The following GSK3A variants were observed in gnomAD, a reference collection of about 807,000 sequenced individuals.
The protein encoded by GSK3A is glycogen synthase kinase-3 alpha.
In GSK3A, 14 loss-of-function variants were observed where a neutral mutation model predicts 56.6. The observed-to-expected ratio is 0.25, with a 90% CI of 0.16 to 0.39. GSK3A has a LOEUF of 0.39. Ranked by LOEUF, GSK3A falls within the 10% of genes least tolerant of loss-of-function variation. The pLI, the probability that GSK3A is intolerant of heterozygous loss-of-function variation, is 1.00. For synonymous variants in GSK3A, 301 were observed against 285.0 expected (o/e 1.06, Z -0.56); for missense variants, 450 against 656.0 (o/e 0.69, Z 3.43).
rs979917354 is a variant in GSK3A at position 42,230,359 on chromosome 19, G to A, written c.*435C>T. ...GGGGAGTTACAGCTGTAGGAGGGGC[G>A]GGGCCAGGTTGGACGGTGCGAATCG... is the stretch of plus-strand genomic sequence containing the variant. On this transcript the variant is annotated 3_prime_UTR_variant, in exon 11 of 11. Transcript: ENST00000222330. The A allele has an allele frequency of 1.1e-5, 2 of 181,314 alleles. No homozygotes were observed. Among genetic ancestry groups the A allele is most frequent in the Non-Finnish European group, 2.4e-5 (2 of 84,532 alleles). The allele number at this position is 181,314 out of a possible 1,614,324, so 11.2% of individuals were successfully genotyped here. A position where few individuals can be genotyped will look rare whatever the true frequency, so the allele number is the denominator to read the frequency against.
Position 42,230,534 on chromosome 19 carries a change from G to A in GSK3A, c.*260C>T, listed in dbSNP as rs1015027519. The A allele has an allele frequency of 2.8e-5, 14 of 492,674 alleles. No individual in the cohort carries two copies. In the African/African-American group the frequency reaches 3.2e-4, roughly 11 times the overall value. 30.5% of individuals were successfully genotyped at this position (492,674 alleles called of 1,614,324 possible). On this transcript the variant is annotated 3_prime_UTR_variant, in exon 11 of 11. Coordinates refer to ENST00000222330, the MANE Select transcript of GSK3A (RefSeq NM_019884.3). Reference sequence around the variant, plus strand: ...GTGGAGGTCTGGGGGAGGGGAGGGGGCCAAGGGGGTAGGAGGTCCTCATCC... The same window carrying A: ...GTGGAGGTCTGGGGGAGGGGAGGGGACCAAGGGGGTAGGAGGTCCTCATCC...
intron 2 of GSK3A, among the ~76,000 whole-genome samples, chr19:42,239,676 T>G (rs1160030530): frequency 6.6e-6 from 1 of 152,164 alleles, no homozygotes; most frequent in Non-Finnish European, 1.5e-5. Flanking sequence ...TAGCTTACAC[T>G]TAGAATGGGT....
At chr19:42,231,773 CAA>C (rs771063456) in intron 10 of GSK3A, among the ~76,000 whole-genome samples, 2 of 84,484 alleles carry the variant, frequency 2.4e-5, no homozygotes, top group African/African-American at 9.0e-5. Flanking sequence ...CTCTATTGCA[CAA>C]AAAAAAAAAA....
rs1270607721 is a variant in GSK3A, at chr19:42,242,427, GC to G, written c.38del (p.Gly13AlafsTer79). 8 of 1,303,474 alleles carry G rather than the reference GC, an allele frequency of 6.1e-6. No homozygotes were observed. The highest frequency in any genetic ancestry group is 2.1e-5 in the South Asian group (1 of 48,032). 80.7% of individuals were successfully genotyped at this position (1,303,474 alleles called of 1,614,324 possible). On this transcript the variant is annotated frameshift_variant, in exon 1 of 11. Coordinates refer to ENST00000222330, the MANE Select transcript of GSK3A (RefSeq NM_019884.3). LOFTEE classifies it high-confidence loss of function. ...ACGAGCTAGTCCGCGCCCTGCCCGA[GC>G]CCCCAGGGCCGCCTCCCGAAGGCCC... is the stretch of plus-strand genomic sequence containing the variant. The part of the protein sequence containing the change: ...GGGPSGGGPG[G>X]SGRARTSSFA...
chr19:42,232,417 C>G lies in GSK3A; in HGVS notation c.1285+79G>C, dbSNP rs2036229908. ...CCCTGCCCTTAGCTCCCCACTCCTG[C>G]TTCAACACCAAGCTCCTCACAATCT... On this transcript the variant is annotated intron_variant, in intron 9 of 10. Transcript: ENST00000222330. The G allele has an allele frequency of 5.9e-6, 8 of 1,364,276 alleles. No individual in the cohort carries two copies. The East Asian group carries it at 1.9e-4, about 33-fold the overall frequency. 84.5% of individuals were successfully genotyped at this position (1,364,276 alleles called of 1,614,324 possible). A position where few individuals can be genotyped will look rare whatever the true frequency, so the allele number is the denominator to read the frequency against.
At position 42,236,732 on chromosome 19, in the gene GSK3A, G is replaced by C; in HGVS notation, c.556-16C>G. On this transcript the variant is annotated splice_polypyrimidine_tract_variant and intron_variant, in intron 3 of 10. Transcript: ENST00000222330. ...GCTCGTCTTTCTGCAGGGAGCAAAG[G>C]AGAGGTGTGAGGCACTGTGAGAAGA... 1 of 1,579,716 alleles carries C rather than the reference G, an allele frequency of 6.3e-7. No homozygotes were observed. The highest frequency in any genetic ancestry group is 1.1e-5 in the South Asian group (1 of 90,356).
rs755914384 is a variant in GSK3A, at chr19:42,242,262, T to A, written c.204A>T (p.Gly68=). The A allele has an allele frequency of 3.5e-6, 5 of 1,432,330 alleles. No homozygotes were observed. The South Asian group carries it at 5.5e-5, about 16-fold the overall frequency. The allele number at this position is 1,432,330 out of a possible 1,614,324, so 88.7% of individuals were successfully genotyped here. Residue 68 remains glycine (G), a synonymous_variant, in exon 1 of 11, where the codon GGA becomes GGT. Transcript: ENST00000222330. ...TGCCTCCTCCGCCGCTGCCGCCGGG[T>A]CCACCCCCGGAGCTCGAGGCCCCGA... The part of the protein sequence containing the change: ...GGVGASSSGG[G]PGGSGGGGSG...
chr19:42,230,858 T>G lies in GSK3A; in HGVS notation c.1388A>C (p.Glu463Ala). ...CTGCCAGTCTGAGCTGGTCGGAGTCTCAGTTAAAGCTGGAGGGAGGCAGGG... is the reference window on the plus strand; with the variant it reads ...CTGCCAGTCTGAGCTGGTCGGAGTCGCAGTTAAAGCTGGAGGGAGGCAGGG... ...TLTPSSQALT[E>A]TPTSSDWQST... Residue 463 changes from glutamate to alanine, a missense_variant, in exon 11 of 11, where the codon GAG becomes GCG. By Grantham distance (107) the Glu-to-Ala change is moderately radical. Around this residue, in one of 3 missense-constraint regions of GSK3A, gnomAD observed 113 missense variants for 147.5 expected, o/e 0.77. Transcript: ENST00000222330. The G allele has an allele frequency of 6.4e-7, 1 of 1,559,948 alleles. No individual in the cohort carries two copies. Among genetic ancestry groups the G allele is most frequent in the South Asian group, 1.2e-5 (1 of 84,518 alleles).
At chr19:42,240,611 G>A (rs774621905) in intron 1 of GSK3A, 2 of 197,576 alleles carry the variant, frequency 1.0e-5, no homozygotes, top group African/African-American at 2.3e-5. Context: ...CAGCCTAGAG[G>A]ATACTGACCT....
intron 4 of GSK3A, 36 bp downstream of exon 4, chr19:42,236,569 GT>G (rs778419559): frequency 7.8e-7 from 1 of 1,275,726 alleles, no homozygotes. Flanking sequence ...CCCTGGCTTT[GT>G]GGGCCTGGGT....
Position 42,230,304 on chromosome 19 carries a change from G to T in GSK3A, c.*490C>A. 1 of 162,364 alleles carries T rather than the reference G, an allele frequency of 6.2e-6. No homozygotes were observed. The highest frequency in any genetic ancestry group is 1.4e-5 in the Non-Finnish European group (1 of 73,720). 10.1% of individuals were successfully genotyped at this position (162,364 alleles called of 1,614,324 possible). On this transcript the variant is annotated 3_prime_UTR_variant, in exon 11 of 11. Coordinates refer to ENST00000222330, the MANE Select transcript of GSK3A (RefSeq NM_019884.3). Reference sequence around the variant, plus strand: ...CTGGCCCTCCAGGGTGGGGTGAGGAGGGAGTAGACCTTGGGGGCAGAGGAC... The same window carrying T: ...CTGGCCCTCCAGGGTGGGGTGAGGATGGAGTAGACCTTGGGGGCAGAGGAC...
rs2036217779 is a variant in GSK3A at position 42,230,728 on chromosome 19, A to G, written c.*66T>C. ...AGCCAGGGCAGGAGCTTGATGGGCT[A>G]TGGCCCCCCTTCCCAGCCCCTCTTG... On this transcript the variant is annotated 3_prime_UTR_variant, in exon 11 of 11. Coordinates refer to ENST00000222330, the MANE Select transcript of GSK3A (RefSeq NM_019884.3). 1 of 1,227,684 alleles carries G rather than the reference A, an allele frequency of 8.1e-7. No homozygotes were observed. Among genetic ancestry groups the G allele is most frequent in the South Asian group, 1.3e-5 (1 of 77,584 alleles). The allele number at this position is 1,227,684 out of a possible 1,614,324, so 76.0% of individuals were successfully genotyped here.
rs1166495684 is a variant in GSK3A at position 42,234,940 on chromosome 19, A to G, written c.667-262T>C. Among the ~76,000 whole-genome samples the G allele has an allele frequency of 6.6e-6, 1 of 152,160 alleles. No individual in the cohort carries two copies. Among genetic ancestry groups the G allele is most frequent in the African/African-American group, 2.4e-5 (1 of 41,438 alleles). The stretch of plus-strand genomic sequence containing the variant: ...TTGGGAGGCCAAGACCAGCCTCGCC[A>G]ACATGTTGAGATCCCGTCTCTACTA... On this transcript the variant is annotated intron_variant, in intron 4 of 10. Coordinates refer to ENST00000222330, the MANE Select transcript of GSK3A (RefSeq NM_019884.3). This position sits in a 1 kb window ranked among gnomAD's most constrained non-coding sequence, Gnocchi z 5.7.
chr19:42,230,519 G>T lies in GSK3A; in HGVS notation c.*275C>A. 1 of 502,408 alleles carries T rather than the reference G, an allele frequency of 2.0e-6. No individual in the cohort carries two copies. The highest frequency in any genetic ancestry group is 2.8e-5 in the South Asian group (1 of 36,172). 31.1% of individuals were successfully genotyped at this position (502,408 alleles called of 1,614,324 possible). ...GGGGGTCTGGAGGAGGTGGAGGTCTGGGGGAGGGGAGGGGGCCAAGGGGGT... is the reference window on the plus strand; with the variant it reads ...GGGGGTCTGGAGGAGGTGGAGGTCTTGGGGAGGGGAGGGGGCCAAGGGGGT... On this transcript the variant is annotated 3_prime_UTR_variant, in exon 11 of 11. Coordinates refer to ENST00000222330, the MANE Select transcript of GSK3A (RefSeq NM_019884.3).
chr19:42,238,760 G>A (rs1026564054), intron 2 of GSK3A, among the ~76,000 whole-genome samples: 3 of 151,430 alleles, frequency 2.0e-5, no homozygotes, highest in African/African-American at 4.9e-5. Context: ...TCAGGAGTTC[G>A]AGACCAGCCT....
rs780886631 is a variant in GSK3A, at chr19:42,233,140, G to A, written c.1068C>T (p.Phe356=). The A allele has an allele frequency of 3.7e-6, 6 of 1,606,048 alleles. No individual in the cohort carries two copies. The highest frequency in any genetic ancestry group is 5.1e-6 in the Non-Finnish European group (6 of 1,175,566). ...TCCAGGGGTGAGCTTTAATCTGAGG[G>A]AACTTGAACTCCGTGTAGTTGGGGT... The part of the protein sequence containing the change: ...EMNPNYTEFK[F]PQIKAHPWTK... Residue 356 remains phenylalanine, a synonymous_variant, in exon 8 of 11, where the codon TTC becomes TTT. Coordinates refer to ENST00000222330, the MANE Select transcript of GSK3A (RefSeq NM_019884.3).
At chr19:42,235,021 G>A (rs894252046) in intron 4 of GSK3A, among the ~76,000 whole-genome samples, 2 of 152,176 alleles carry the variant, frequency 1.3e-5, no homozygotes, top group Admixed American at 6.5e-5. Flanking sequence ...CAGCTACTCG[G>A]GAGGCTGAGG....
At chr19:42,236,780 T>C (rs2036260104) in intron 3 of GSK3A, 64 bp from the exon 4 acceptor site, 3 of 1,430,578 alleles carry the variant, frequency 2.1e-6, no homozygotes, top group African/African-American at 1.4e-5. Context: ...AAGGAAGGTA[T>C]GCAGGGAGCA....
At position 42,242,425 on chromosome 19, in the gene GSK3A, G is replaced by C; in HGVS notation, c.41C>G (p.Ser14Trp). ...GAACGAGCTAGTCCGCGCCCTGCCC[G>C]AGCCCCCAGGGCCGCCTCCCGAAGG... ...GGPSGGGPGG[S>W]GRARTSSFAE... Residue 14 changes from serine to tryptophan, a missense_variant, in exon 1 of 11, where the codon TCG becomes TGG. Physicochemically the swap from Ser to Trp is radical, Grantham distance 177. Transcript: ENST00000222330. The C allele has an allele frequency of 7.4e-7, 1 of 1,343,694 alleles. No individual in the cohort carries two copies. The highest frequency in any genetic ancestry group is 9.6e-7 in the Non-Finnish European group (1 of 1,046,778). The allele number at this position is 1,343,694 out of a possible 1,614,324, so 83.2% of individuals were successfully genotyped here.
Sources: allele counts gnomAD v4.1 joint callset (sites outside exome capture counted in the v4.1 genomes callset), GRCh38; gene constraint gnomAD v4.1.1; regional missense constraint gnomAD v4.1.1; non-coding constraint Gnocchi (gnomAD v3.1); transcripts MANE v1.5; gene names NCBI Gene and HGNC (gene_info 2026-07-23, HGNC 2026-07-21).